The following CNTLN variants were observed in gnomAD, a reference collection of about 807,000 sequenced individuals.
CNTLN encodes centlein, centrosomal protein.
Under a neutral mutation model 180.0 loss-of-function variants are expected in CNTLN, and 212 were observed. The observed-to-expected ratio is 1.18, with a 90% CI of 1.05 to 1.32. The LOEUF is 1.32. Ranked by LOEUF, CNTLN falls within the 40% of genes most tolerant of loss-of-function variation. The probability of loss-of-function intolerance (pLI) is 0.00; values close to 1 mark genes in which losing one functional copy is unlikely to be tolerated. For missense variants in CNTLN, 2,095 were observed against 1,610.9 expected, an observed-to-expected ratio of 1.30 and a Z score of -5.14; for synonymous variants, 722 against 563.1, an observed-to-expected ratio of 1.28 and a Z score of -3.99.
At chr9:17,476,447 G>C (rs1173974716) in intron 23 of CNTLN, among the ~76,000 whole-genome samples, 3 of 152,138 alleles carry the variant, frequency 2.0e-5, no homozygotes, top group Non-Finnish European at 2.9e-5. Flanking sequence ...AGTGAGGAAG[G>C]CATGTCAAAA....
intron 2 of CNTLN, among the ~76,000 whole-genome samples, chr9:17,225,278 G>T (rs1360601378): frequency 6.6e-6 from 1 of 151,972 alleles, no homozygotes; most frequent in Admixed American, 6.6e-5. Context: ...TGCATACTGG[G>T]TAAGGCACTT....
chr9:17,478,535 T>C (rs910915151), intron 23 of CNTLN, among the ~76,000 whole-genome samples: 32 of 151,830 alleles, frequency 2.1e-4, no homozygotes, highest in African/African-American at 7.0e-4. Flanking sequence ...TTTTCTTTTT[T>C]TTTTTAAGAG....
rs1002934980 is a variant in CNTLN at position 17,416,044 on chromosome 9, C to A, written c.2969C>A (p.Ser990Tyr). 3 of 1,613,424 alleles carry A rather than the reference C, an allele frequency of 1.9e-6. No individual in the cohort carries two copies. The highest frequency in any genetic ancestry group is 2.2e-5 in the South Asian group (2 of 91,026). Residue 990 changes from serine to tyrosine, a missense_variant, in exon 18 of 26, where the codon TCC becomes TAC. Transcript: ENST00000380647. ...ATTTTATTACGAGAACGGATTATAT[C>A]CTTGCAACAACAAAACAGTGTACTT... ...NIILLRERII[S>Y]LQQQNSVLQN...
intron 12 of CNTLN, among the ~76,000 whole-genome samples, chr9:17,343,153 G>C (rs549650370): frequency 6.6e-6 from 1 of 152,314 alleles, no homozygotes; most frequent in Admixed American, 6.5e-5. Context: ...ACAGTTGGTC[G>C]CTTGATCTTA....
At chr9:17,360,042 TC>T (rs1448997286) in intron 12 of CNTLN, among the ~76,000 whole-genome samples, 1 of 152,200 alleles carries the variant, frequency 6.6e-6, no homozygotes, top group Non-Finnish European at 1.5e-5. Flanking sequence ...TATGGATATT[TC>T]TTTTTTTCCA....
At chr9:17,186,289 T>G (rs544870766) in intron 2 of CNTLN, among the ~76,000 whole-genome samples, 2 of 152,268 alleles carry the variant, frequency 1.3e-5, no homozygotes, top group East Asian at 3.9e-4. Context: ...GTCTGTTCAG[T>G]GCTTTTTTAG....
chr9:17,150,975 G>A (rs2131508052), intron 2 of CNTLN, among the ~76,000 whole-genome samples: 1 of 152,278 alleles, frequency 6.6e-6, no homozygotes, highest in Admixed American at 6.5e-5. Flanking sequence ...AGGAATGCTT[G>A]TGATTTTCGC....
At chr9:17,236,135 G>A (rs369474015) in intron 4 of CNTLN, among the ~76,000 whole-genome samples, 67 of 152,240 alleles carry the variant, frequency 4.4e-4, no homozygotes, top group African/African-American at 1.5e-3. Context: ...CTCAAAAATA[G>A]CTGGGGACAG....
intron 13 of CNTLN, among the ~76,000 whole-genome samples, chr9:17,367,715 C>T (rs976616968): frequency 6.6e-6 from 1 of 152,102 alleles, no homozygotes; most frequent in African/African-American, 2.4e-5. Flanking sequence ...GGCCCTAGCT[C>T]CTGGATGACA....
the CNTLN span, among the ~76,000 whole-genome samples, chr9:17,521,004 A>G: frequency 1.1e-4 from 16 of 152,302 alleles, no homozygotes; most frequent in African/African-American, 3.8e-4. Context: ...TGTTACTTGC[A>G]CTAGAATTGA....
chr9:17,308,209 A>G (rs888072844), intron 7 of CNTLN, among the ~76,000 whole-genome samples: 5 of 151,260 alleles, frequency 3.3e-5, no homozygotes, highest in African/African-American at 1.2e-4. Context: ...CTTATATGTC[A>G]TGTTATCTCA....
At chr9:17,445,365 G>T (rs903326660) in intron 18 of CNTLN, among the ~76,000 whole-genome samples, 5 of 151,816 alleles carry the variant, frequency 3.3e-5, no homozygotes, top group Non-Finnish European at 7.4e-5. Context: ...TGACCCTGTG[G>T]GGAAAAGCAA....
chr9:17,292,795 C>T (rs949560369), intron 6 of CNTLN, among the ~76,000 whole-genome samples: 1 of 152,112 alleles, frequency 6.6e-6, no homozygotes, highest in South Asian at 2.1e-4. Context: ...CTGAGGCCTA[C>T]TTGTGTCAGT....
chr9:17,418,864 A>G (rs1247410818), intron 18 of CNTLN, among the ~76,000 whole-genome samples: 2 of 152,062 alleles, frequency 1.3e-5, no homozygotes, highest in Non-Finnish European at 2.9e-5. Flanking sequence ...CAACTTTTTC[A>G]TATGTAATTA....
At position 17,271,294 on chromosome 9, in the gene CNTLN, A is replaced by G. The variant is rs573485847; in HGVS notation, c.850-2439A>G. On this transcript the variant is annotated intron_variant, in intron 5 of 25. Coordinates refer to ENST00000380647, the MANE Select transcript of CNTLN (RefSeq NM_017738.4). The stretch of plus-strand genomic sequence containing the variant: ...GATTTGTGGGGGCGCACCATAAATC[A>G]TGCACCAGATTTGCGGTTCACTGAC... 5.3e-5 allele frequency among the ~76,000 whole-genome samples: 8 copies of G among 152,218 alleles called. No individual in the cohort carries two copies. In the South Asian group the frequency reaches 8.3e-4, roughly 16 times the overall value.
At chr9:17,190,143 A>G (rs1821704173) in intron 2 of CNTLN, among the ~76,000 whole-genome samples, 1 of 148,052 alleles carries the variant, frequency 6.8e-6, no homozygotes, top group Non-Finnish European at 1.5e-5. Flanking sequence ...TGTAGCTGGA[A>G]CACTGTCTCT....
chr9:17,164,460 T>G (rs1819917711), intron 2 of CNTLN, among the ~76,000 whole-genome samples: 1 of 130,886 alleles, frequency 7.6e-6, no homozygotes, highest in Non-Finnish European at 1.6e-5. Context: ...TTTTTATGTT[T>G]TTTTTTTTTT....
chr9:17,164,830 CT>C (rs1199076941), intron 2 of CNTLN, among the ~76,000 whole-genome samples: 1 of 144,754 alleles, frequency 6.9e-6, no homozygotes, highest in Non-Finnish European at 1.5e-5. Flanking sequence ...CTTTTTTTTT[CT>C]TTCTTTCTTT....
intron 2 of CNTLN, among the ~76,000 whole-genome samples, chr9:17,187,346 A>C (rs895319984): frequency 6.6e-6 from 1 of 152,042 alleles, no homozygotes; most frequent in Non-Finnish European, 1.5e-5. Flanking sequence ...TACCTGGTTC[A>C]TTTGATGGCA....
Sources: allele counts gnomAD v4.1 joint callset (sites outside exome capture counted in the v4.1 genomes callset), GRCh38; gene constraint gnomAD v4.1.1; transcripts MANE v1.5; gene names NCBI Gene and HGNC (gene_info 2026-07-23, HGNC 2026-07-21).